RHOBTB1: variants seen among roughly 807,000 people sequenced by gnomAD.
RHOBTB1 encodes the protein rho-related BTB domain-containing protein 1.
Under a neutral mutation model 71.6 loss-of-function variants are expected in RHOBTB1, and 40 were observed. The observed-to-expected ratio is 0.56, with a 90% CI of 0.43 to 0.73. The LOEUF (loss-of-function observed/expected upper bound fraction) is 0.73, where lower values mean the gene tolerates loss of function less well. RHOBTB1 is among the 30% of genes least tolerant of loss of function. The pLI is 0.00. For missense variants in RHOBTB1, 797 were observed against 894.0 expected, an observed-to-expected ratio of 0.89 and a Z score of 1.38; for synonymous variants, 319 against 334.9, an observed-to-expected ratio of 0.95 and a Z score of 0.52.
At chr10:60,866,108 A>C (rs1411818672), downstream of RHOBTB1, among the ~76,000 whole-genome samples, 3 of 152,242 alleles carry the variant, frequency 2.0e-5, no homozygotes, top group Non-Finnish European at 4.4e-5. Context: ...CTGGGATTGC[A>C]GGAGTGAGCC....
At chr10:60,921,930 C>A (rs1053894876) in intron 2 of RHOBTB1, among the ~76,000 whole-genome samples, 9 of 152,170 alleles carry the variant, frequency 5.9e-5, no homozygotes, top group African/African-American at 1.9e-4. Flanking sequence ...CACCAGAGAC[C>A]AAAGGCCACA....
intron 1 of RHOBTB1, among the ~76,000 whole-genome samples, chr10:60,993,099 A>G (rs922738335): frequency 6.6e-6 from 1 of 152,064 alleles, no homozygotes; most frequent in African/African-American, 2.4e-5. Flanking sequence ...TGGTGGAATG[A>G]TGGAGGGGAC....
intron 1 of RHOBTB1, among the ~76,000 whole-genome samples, chr10:60,993,566 T>A (rs962906946): frequency 6.6e-6 from 1 of 152,166 alleles, no homozygotes; most frequent in African/African-American, 2.4e-5. Context: ...GCAAGAGTGT[T>A]GAATTTCATG....
chr10:60,982,868 C>G (rs927740388), intron 2 of RHOBTB1, among the ~76,000 whole-genome samples: 1 of 152,086 alleles, frequency 6.6e-6, no homozygotes, highest in Admixed American at 6.5e-5. Flanking sequence ...ATTTCATGTG[C>G]GTTTCATTTG....
chr10:60,977,895 C>T (rs1420975839), intron 2 of RHOBTB1, among the ~76,000 whole-genome samples: 1 of 152,000 alleles, frequency 6.6e-6, no homozygotes, highest in Non-Finnish European at 1.5e-5. Flanking sequence ...AAATATTCTG[C>T]ATGATGAAGT....
At chr10:60,934,553 A>G (rs927688233) in intron 2 of RHOBTB1, among the ~76,000 whole-genome samples, 1 of 152,264 alleles carries the variant, frequency 6.6e-6, no homozygotes, top group Non-Finnish European at 1.5e-5. Context: ...TCCCTGGTCT[A>G]CTTCAAATAA....
chr10:60,879,799 CACAA>C (rs1293740126), intron 7 of RHOBTB1, among the ~76,000 whole-genome samples: 1 of 152,154 alleles, frequency 6.6e-6, no homozygotes, highest in Non-Finnish European at 1.5e-5. Context: ...TGCACTTGCA[CACAA>C]ACACACACAC....
At chr10:60,976,898 C>T (rs182929277) in intron 2 of RHOBTB1, among the ~76,000 whole-genome samples, 39 of 152,068 alleles carry the variant, frequency 2.6e-4, no homozygotes, top group African/African-American at 8.4e-4. Context: ...AAATCATCTG[C>T]GCCTTTGACA....
chr10:60,926,129 C>T (rs1214787176), intron 2 of RHOBTB1, among the ~76,000 whole-genome samples: 8 of 151,970 alleles, frequency 5.3e-5, no homozygotes, highest in East Asian at 1.9e-4. Flanking sequence ...CTCAGCTACT[C>T]GGGAGGCTGA....
chr10:60,921,727 C>A (rs1001361545), intron 2 of RHOBTB1, among the ~76,000 whole-genome samples: 1 of 152,220 alleles, frequency 6.6e-6, no homozygotes, highest in African/African-American at 2.4e-5. Context: ...AGAGAACTTG[C>A]ATGCAGCTAT....
chr10:60,905,449 CAAAAAAAAAAAA>C (rs35538782), intron 4 of RHOBTB1, among the ~76,000 whole-genome samples: 2 of 48,974 alleles, frequency 4.1e-5, no homozygotes, highest in African/African-American at 1.6e-4. Context: ...GACTCTTTCT[CAAAAAAAAAAAA>C]AAAAAAAAAA....
At chr10:60,944,405 C>G (rs570579844), upstream of RHOBTB1, among the ~76,000 whole-genome samples, 1 of 152,332 alleles carries the variant, frequency 6.6e-6, no homozygotes, top group African/African-American at 2.4e-5. Flanking sequence ...TGTGTCTGTG[C>G]TCTGGGACAC....
chr10:60,907,959 T>C (rs1184049079), intron 4 of RHOBTB1, among the ~76,000 whole-genome samples: 1 of 152,226 alleles, frequency 6.6e-6, no homozygotes, highest in Middle Eastern at 3.2e-3. Flanking sequence ...CTACAGTTCC[T>C]GAAAGGATTA....
At chr10:60,863,298 T>C in the RHOBTB1 span, among the ~76,000 whole-genome samples, 1 of 152,228 alleles carries the variant, frequency 6.6e-6, no homozygotes, top group Non-Finnish European at 1.5e-5. Flanking sequence ...TTTTAGGTTC[T>C]ATAACTTTGA....
intron 2 of RHOBTB1, among the ~76,000 whole-genome samples, chr10:60,980,332 G>C (rs530427498): frequency 2.8e-4 from 43 of 151,988 alleles, no homozygotes; most frequent in Non-Finnish European, 5.9e-4. Context: ...TGGACCAATT[G>C]GTAAGTTGAA....
chr10:60,905,473 A>AAAT lies in RHOBTB1; in HGVS notation c.296+5411_296+5413dup, dbSNP rs1554837714. ...TCAAAAAAAAAAAAAAAAAAAAAAA[A>AAAT]AATTCAAATTAAGGCAAAAAAATCC... On this transcript the variant is annotated intron_variant, in intron 4 of 10. Coordinates refer to ENST00000337910, the MANE Select transcript of RHOBTB1 (RefSeq NM_014836.5). Among the ~76,000 whole-genome samples the AAAT allele has an allele frequency of 7.8e-4, 117 of 150,770 alleles. 2 individuals carry two copies. Among genetic ancestry groups the AAAT allele is most frequent in the African/African-American group, 2.6e-3 (104 of 40,604 alleles).
intron 2 of RHOBTB1, among the ~76,000 whole-genome samples, chr10:60,920,624 T>C (rs2083504438): frequency 6.6e-6 from 1 of 151,370 alleles, no homozygotes; most frequent in East Asian, 1.9e-4. Context: ...TGATTTGCTT[T>C]TTTTTTTTTT....
intron 1 of RHOBTB1, among the ~76,000 whole-genome samples, chr10:60,997,923 T>C (rs1023283729): frequency 3.3e-5 from 5 of 152,188 alleles, no homozygotes; most frequent in African/African-American, 4.8e-5. Context: ...AAGAATGCTG[T>C]TTATAAGTCA....
intron 2 of RHOBTB1, among the ~76,000 whole-genome samples, chr10:60,960,671 C>T (rs1229695092): frequency 6.6e-6 from 1 of 152,128 alleles, no homozygotes; most frequent in African/African-American, 2.4e-5. Flanking sequence ...TATGGGAGAT[C>T]ATAATCCAAG....
Sources: allele counts gnomAD v4.1 joint callset (sites outside exome capture counted in the v4.1 genomes callset), GRCh38; gene constraint gnomAD v4.1.1; transcripts MANE v1.5; gene names NCBI Gene and HGNC (gene_info 2026-07-23, HGNC 2026-07-21).